Variants in EYS observed in about 807,000 individuals in gnomAD.
EYS encodes the protein EGF-like photoreceptor maintenance factor, also known as protein eyes shut homolog.
Under a neutral mutation model 282.1 loss-of-function variants are expected in EYS, and 250 were observed. The observed-to-expected ratio is 0.89, with a 90% CI of 0.80 to 0.98. The LOEUF (loss-of-function observed/expected upper bound fraction) is 0.98, where lower values mean the gene tolerates loss of function less well. Ranked by LOEUF, EYS falls within the 50% of genes least tolerant of loss-of-function variation. The probability of loss-of-function intolerance (pLI) is 0.00; values close to 1 mark genes in which losing one functional copy is unlikely to be tolerated. For synonymous variants in EYS, 1,355 were observed against 1,282.9 expected, an observed-to-expected ratio of 1.06 and a Z score of -1.20; for missense variants, 4,016 against 3,709.0, an observed-to-expected ratio of 1.08 and a Z score of -2.15.
intron 1 of EYS, among the ~76,000 whole-genome samples, chr6:65,692,915 C>T (rs1562332103): frequency 6.7e-6 from 1 of 150,000 alleles, no homozygotes; most frequent in African/African-American, 2.4e-5. Context: ...ATAATAACTG[C>T]ACCATTACAT....
At chr6:63,727,706 CAAAAAAAAAAAAA>C (rs1169878020) in intron 41 of EYS, among the ~76,000 whole-genome samples, 3 of 9,526 alleles carry the variant, frequency 3.1e-4, no homozygotes, top group African/African-American at 1.1e-3. Context: ...CACCATCTCT[CAAAAAAAAAAAAA>C]AAAAAAAAAA....
intron 2 of EYS, among the ~76,000 whole-genome samples, chr6:65,582,814 C>T (rs923585597): frequency 4.6e-5 from 7 of 152,038 alleles, no homozygotes; most frequent in African/African-American, 1.4e-4. Context: ...AAGAAATACA[C>T]CTAAGAAATG....
intron 11 of EYS, among the ~76,000 whole-genome samples, chr6:65,323,481 T>C (rs985153295): frequency 3.9e-5 from 6 of 152,206 alleles, no homozygotes; most frequent in African/African-American, 1.4e-4. Flanking sequence ...AATAAAGTTT[T>C]GTGTAAGGTT....
At chr6:64,197,859 C>T (rs929105002) in intron 31 of EYS, among the ~76,000 whole-genome samples, 1 of 151,738 alleles carries the variant, frequency 6.6e-6, no homozygotes, top group South Asian at 2.1e-4. Context: ...CATCTTACGG[C>T]TGGGCTTTGA....
chr6:65,169,558 T>C (rs1281145047), intron 12 of EYS, among the ~76,000 whole-genome samples: 1 of 151,424 alleles, frequency 6.6e-6, no homozygotes, highest in African/African-American at 2.4e-5. Flanking sequence ...AATCAGCCAA[T>C]ACAACACATG....
At chr6:65,637,521 G>A (rs1767131375) in intron 2 of EYS, among the ~76,000 whole-genome samples, 1 of 152,174 alleles carries the variant, frequency 6.6e-6, no homozygotes, top group Non-Finnish European at 1.5e-5. Context: ...AGAAGCCCGT[G>A]CTCCCTGGCA....
chr6:64,471,988 T>A (rs112467989), intron 26 of EYS, among the ~76,000 whole-genome samples: 1 of 149,144 alleles, frequency 6.7e-6, no homozygotes, highest in African/African-American at 2.5e-5. Flanking sequence ...ACAAAAAAAA[T>A]TTGAGGTGAT....
chr6:64,785,824 T>G lies in EYS; in HGVS notation c.3443+27554A>C, dbSNP rs144244195. On this transcript the variant is annotated intron_variant, in intron 22 of 42. Transcript: ENST00000503581. Reference sequence around the variant, plus strand: ...AATAAAGTAGATAAAGTCCTTGTCATCATAGATCTTATTTTCTGATAGGGA... The same window carrying G: ...AATAAAGTAGATAAAGTCCTTGTCAGCATAGATCTTATTTTCTGATAGGGA... Among the ~76,000 whole-genome samples, 684 of 152,324 alleles carry G rather than the reference T, an allele frequency of 4.5e-3. 6 individuals are homozygous for G. The highest frequency in any genetic ancestry group is 0.015 in the African/African-American group (610 of 41,578).
chr6:65,398,397 G>A (rs1288020275), intron 7 of EYS, among the ~76,000 whole-genome samples: 1 of 151,864 alleles, frequency 6.6e-6, no homozygotes, highest in Non-Finnish European at 1.5e-5. Flanking sequence ...TCAATAAATA[G>A]TGCTGGGAAA....
At chr6:63,826,374 C>A (rs1031344614) in intron 36 of EYS, among the ~76,000 whole-genome samples, 1 of 152,110 alleles carries the variant, frequency 6.6e-6, no homozygotes, top group African/African-American at 2.4e-5. Context: ...CATCCAAATA[C>A]AAGAAGCACA....
intron 5 of EYS, among the ~76,000 whole-genome samples, chr6:65,476,951 G>A (rs1022468301): frequency 1.3e-5 from 2 of 152,124 alleles, no homozygotes; most frequent in Non-Finnish European, 2.9e-5. Context: ...GAAGTAGGTT[G>A]TAAAAATTTC....
chr6:64,875,511 G>T, intron 19 of EYS, among the ~76,000 whole-genome samples: 1 of 152,018 alleles, frequency 6.6e-6, no homozygotes, highest in East Asian at 1.9e-4. Context: ...ACCTCATAAT[G>T]AAAGTTCCCT....
At chr6:65,119,971 C>T (rs539006481) in intron 12 of EYS, among the ~76,000 whole-genome samples, 5 of 151,364 alleles carry the variant, frequency 3.3e-5, no homozygotes, top group Non-Finnish European at 7.4e-5. Context: ...CCTACCCCCC[C>T]TCCCCGTCTC....
In EYS at chr6:64,930,461, T is replaced by TAAAAAAAAAAAAAAAA. The variant is rs55650031; in HGVS notation, c.2381+15316_2381+15331dup. Among the ~76,000 whole-genome samples the TAAAAAAAAAAAAAAAA allele has an allele frequency of 3.3e-5, 4 of 123,016 alleles. 1 individual carries two copies. The highest frequency in any genetic ancestry group is 1.7e-5 in the Non-Finnish European group (1 of 58,254). 80.7% of individuals were successfully genotyped at this position (123,016 alleles called of 152,430 possible). ...TTAGGACTTCTATGCATAAATAAGG[T>TAAAAAAAAAAAAAAAA]AAAAAAAAAAAAAAAAAAAAAGCAA... On this transcript the variant is annotated intron_variant, in intron 15 of 42. Transcript: ENST00000503581.
chr6:64,703,429 ATT>A (rs1554194865), intron 22 of EYS, among the ~76,000 whole-genome samples: 2,152 of 23,328 alleles, frequency 0.092, 228 homozygotes, highest in African/African-American at 0.2. Context: ...ATATATATAT[ATT>A]TTTTTTTTTT....
rs56346431 is a variant in EYS, at chr6:64,675,428, C to CTTTTTT, written c.3444-49189_3444-49184dup. Among the ~76,000 whole-genome samples the CTTTTTT allele has an allele frequency of 2.0e-4, 23 of 114,644 alleles. 1 individual carries two copies. The East Asian group carries it at 2.3e-3, about 12-fold the overall frequency. The allele number at this position is 114,644 out of a possible 152,430, so 75.2% of individuals were successfully genotyped here. ...GTTTTTCCTGTTTCTCTTTTTTTTT[C>CTTTTTT]TTTTTTTTTTTTTTTTTGAGATGGA... On this transcript the variant is annotated intron_variant, in intron 22 of 42. Transcript: ENST00000503581.
intron 12 of EYS, among the ~76,000 whole-genome samples, chr6:65,288,907 G>T (rs1257564188): frequency 1.3e-5 from 2 of 150,700 alleles, no homozygotes; most frequent in Non-Finnish European, 3.0e-5. Context: ...GCAATCCCTA[G>T]GTTAAGCACT....
chr6:64,380,881 G>A (rs1372643577), intron 29 of EYS, among the ~76,000 whole-genome samples: 2 of 152,024 alleles, frequency 1.3e-5, no homozygotes, highest in Non-Finnish European at 2.9e-5. Context: ...CAGGAGTGGT[G>A]GTGGGTACCT....
intron 22 of EYS, among the ~76,000 whole-genome samples, chr6:64,794,882 C>T (rs1222112718): frequency 6.6e-6 from 1 of 152,082 alleles, no homozygotes; most frequent in African/African-American, 2.4e-5. Flanking sequence ...AGGCACACTG[C>T]CCAATGCTAA....
Sources: gnomAD v4.1 joint callset for allele counts (sites outside exome capture counted in the v4.1 genomes callset) on GRCh38, gnomAD v4.1.1 for gene constraint, MANE v1.5 for transcripts, NCBI Gene and HGNC (gene_info 2026-07-23, HGNC 2026-07-21) for gene names.